KMO: variants seen among roughly 807,000 people sequenced by gnomAD.
KMO encodes the protein kynurenine 3-hydroxylase.
A neutral mutation model predicts 57.8 loss-of-function variants in KMO; 24 were observed. The ratio of observed to expected loss-of-function variants is 0.42; its 90% confidence interval spans 0.30 to 0.58. KMO has a LOEUF of 0.58. Among genes scored for constraint, KMO ranks in the 20% least tolerant of loss-of-function variants. The pLI, the probability that KMO is intolerant of heterozygous loss-of-function variation, is 0.22. For synonymous variants in KMO, 210 were observed against 193.6 expected (o/e 1.08, Z -0.70); for missense variants, 483 against 588.2 (o/e 0.82, Z 1.85).
chr1:241,554,499 C>T (rs1478526506), intron 4 of KMO, among the ~76,000 whole-genome samples: 1 of 151,694 alleles, frequency 6.6e-6, no homozygotes. Context: ...GTCTTAAACT[C>T]CTGACCTCAA....
intron 5 of KMO, among the ~76,000 whole-genome samples, chr1:241,558,415 C>T (rs1016069926): frequency 5.3e-5 from 8 of 152,218 alleles, no homozygotes; most frequent in Non-Finnish European, 1.2e-4. Context: ...GTTTTCATTC[C>T]ACACATTTAA....
At chr1:241,588,329 C>CTTTTTTTTTTTTTTTTT (rs57587351) in intron 11 of KMO, among the ~76,000 whole-genome samples, 4 of 98,390 alleles carry the variant, frequency 4.1e-5, no homozygotes, top group Middle Eastern at 8.8e-3. Context: ...TCTTTTTTTT[C>CTTTTTTTTTTTTTTTTT]TTTTTTTTTT....
At chr1:241,574,672 T>A (rs545902918) in intron 10 of KMO, among the ~76,000 whole-genome samples, 7 of 152,170 alleles carry the variant, frequency 4.6e-5, no homozygotes, top group Admixed American at 3.9e-4. Context: ...GGTTAGCTAG[T>A]ATGTTGCTGA....
chr1:241,573,250 G>T (rs1019008587), intron 10 of KMO, among the ~76,000 whole-genome samples: 1 of 152,142 alleles, frequency 6.6e-6, no homozygotes, highest in Non-Finnish European at 1.5e-5. Flanking sequence ...GCCTCCCAAA[G>T]TCCTAGGATT....
intron 10 of KMO, among the ~76,000 whole-genome samples, chr1:241,579,367 G>A (rs1573934101): frequency 6.6e-6 from 1 of 152,064 alleles, no homozygotes; most frequent in East Asian, 1.9e-4. Context: ...TACCAGGGTA[G>A]GTGGAGGGGT....
chr1:241,551,164 T>G (rs1661379190), intron 4 of KMO, 120 bp downstream of exon 4: 1 of 647,754 alleles, frequency 1.5e-6, no homozygotes, highest in African/African-American at 1.9e-5. Flanking sequence ...TGGCTCAGTC[T>G]AGACCCCAGG....
At chr1:241,564,042 AT>A (rs1424488892) in intron 7 of KMO, among the ~76,000 whole-genome samples, 1 of 152,154 alleles carries the variant, frequency 6.6e-6, no homozygotes, top group African/African-American at 2.4e-5. Context: ...GCACGTACTC[AT>A]TTCTGTGTCT....
chr1:241,560,389 T>C (rs993288178), intron 5 of KMO, among the ~76,000 whole-genome samples: 1 of 152,232 alleles, frequency 6.6e-6, no homozygotes, highest in Non-Finnish European at 1.5e-5. Context: ...GTGCTAATAA[T>C]TACAGCAATG....
intron 10 of KMO, among the ~76,000 whole-genome samples, chr1:241,575,742 C>G (rs1385707904): frequency 1.3e-5 from 2 of 152,006 alleles, no homozygotes; most frequent in African/African-American, 4.8e-5. Flanking sequence ...AATGTACATT[C>G]TGCAGTTCTT....
chr1:241,565,451 C>A (rs973523671), intron 8 of KMO, among the ~76,000 whole-genome samples: 12 of 151,438 alleles, frequency 7.9e-5, no homozygotes, highest in African/African-American at 2.9e-4. Flanking sequence ...ATGGGCGCAG[C>A]GGCTCACACC....
At chr1:241,590,314 C>A in intron 14 of KMO, 51 bp downstream of exon 14, 2 of 1,348,310 alleles carry the variant, frequency 1.5e-6, no homozygotes, top group South Asian at 1.2e-5. Flanking sequence ...TTTGAAATGT[C>A]ATAGTATTAT....
chr1:241,572,345 T>C (rs1436122677), intron 10 of KMO, among the ~76,000 whole-genome samples: 1 of 152,096 alleles, frequency 6.6e-6, no homozygotes, highest in African/African-American at 2.4e-5. Flanking sequence ...TCATTTCTTC[T>C]AGATTTTCAA....
intron 10 of KMO, among the ~76,000 whole-genome samples, chr1:241,572,865 A>C (rs1015085715): frequency 9.9e-5 from 15 of 152,122 alleles, no homozygotes; most frequent in Non-Finnish European, 2.1e-4. Flanking sequence ...TTTAGCTCCC[A>C]CTTATAAGTG....
At position 241,580,305 on chromosome 1, in the gene KMO, T is replaced by C. The variant is rs180888780; in HGVS notation, c.958-6374T>C. ...CATATCTCTACACCACATTTTATCT[T>C]CCCAAGTGGGAGAGGCATGCTAACA... is the stretch of plus-strand genomic sequence containing the variant. On this transcript the variant is annotated intron_variant, in intron 10 of 14. Transcript: ENST00000366559. 2.6e-3 allele frequency among the ~76,000 whole-genome samples: 403 copies of C among 152,270 alleles called. 6 individuals are homozygous for C. Among genetic ancestry groups the C allele is most frequent in the Non-Finnish European group, 4.4e-3 (296 of 68,004 alleles).
intron 10 of KMO, among the ~76,000 whole-genome samples, chr1:241,571,486 T>TA (rs773155777): frequency 4.6e-5 from 7 of 152,198 alleles, no homozygotes; most frequent in Non-Finnish European, 8.8e-5. Context: ...TGAGAATTTT[T>TA]ATCATGAAGG....
At chr1:241,569,735 G>T (rs574183939) in intron 10 of KMO, among the ~76,000 whole-genome samples, 3 of 152,132 alleles carry the variant, frequency 2.0e-5, no homozygotes, top group Non-Finnish European at 4.4e-5. Context: ...GAACCTCCAT[G>T]CTGTTTTCCA....
At chr1:241,571,369 G>T (rs1335293147) in intron 10 of KMO, among the ~76,000 whole-genome samples, 1 of 152,008 alleles carries the variant, frequency 6.6e-6, no homozygotes, top group South Asian at 2.1e-4. Context: ...TATTTTAGAG[G>T]AAAGGAAAGA....
At chr1:241,586,571 C>A in intron 10 of KMO, 108 bp from the exon 11 acceptor site, 1 of 774,840 alleles carries the variant, frequency 1.3e-6, no homozygotes. Flanking sequence ...TGAGAATAAA[C>A]AGTGTATGAA....
At chr1:241,550,656 G>T (rs1661360526) in intron 3 of KMO, among the ~76,000 whole-genome samples, 1 of 152,028 alleles carries the variant, frequency 6.6e-6, no homozygotes, top group Non-Finnish European at 1.5e-5. Context: ...TTTTTGTCAT[G>T]ATGAGAAAAT....
Sources: allele counts gnomAD v4.1 joint callset (sites outside exome capture counted in the v4.1 genomes callset), GRCh38; gene constraint gnomAD v4.1.1; transcripts MANE v1.5; gene names NCBI Gene and HGNC (gene_info 2026-07-23, HGNC 2026-07-21).